The following VWC2L variants were observed in gnomAD, a reference collection of about 807,000 sequenced individuals.
VWC2L encodes von Willebrand factor C domain containing 2 like.
A neutral mutation model predicts 21.6 loss-of-function variants in VWC2L; 10 were observed. That is an observed-to-expected ratio of 0.46 (90% CI 0.29 to 0.78). The LOEUF (loss-of-function observed/expected upper bound fraction) is 0.78, where lower values mean the gene tolerates loss of function less well. Ranked by LOEUF, VWC2L falls within the 30% of genes least tolerant of loss-of-function variation. The pLI, the probability that VWC2L is intolerant of heterozygous loss-of-function variation, is 0.10. For synonymous variants in VWC2L, 96 were observed against 94.3 expected (o/e 1.02, Z -0.10); for missense variants, 209 against 277.1 (o/e 0.75, Z 1.74).
intron 3 of VWC2L, among the ~76,000 whole-genome samples, chr2:214,488,370 G>T (rs1688700020): frequency 6.6e-6 from 1 of 152,210 alleles, no homozygotes; most frequent in Non-Finnish European, 1.5e-5. Context: ...GGCCAAGGCA[G>T]GTAGATTGCT....
chr2:214,491,302 G>T (rs968532986), intron 3 of VWC2L, among the ~76,000 whole-genome samples: 31 of 152,264 alleles, frequency 2.0e-4, no homozygotes, highest in Middle Eastern at 3.4e-3. Flanking sequence ...ACAACAAGTT[G>T]GGAGAAAAAT....
Position 214,414,175 on chromosome 2 carries a change from G to C in VWC2L, c.-19G>C. 1 of 1,600,494 alleles carries C rather than the reference G, an allele frequency of 6.2e-7. No homozygotes were observed. The highest frequency in any genetic ancestry group is 8.5e-7 in the Non-Finnish European group (1 of 1,177,048). ...ATATTTAATATTAGGAGCACATCCA[G>C]AAGTCTTTGAAGAGGGGGATGGCTC... On this transcript the variant is annotated 5_prime_UTR_variant, in exon 2 of 4. Transcript: ENST00000312504.
At position 214,526,059 on chromosome 2, in the gene VWC2L, C is replaced by G. The variant is rs566630060; in HGVS notation, c.521-49613C>G. Among the ~76,000 whole-genome samples, 6 of 150,536 alleles carry G rather than the reference C, an allele frequency of 4.0e-5. 1 individual carries two copies. In the South Asian group the frequency reaches 1.3e-3, roughly 32 times the overall value. On this transcript the variant is annotated intron_variant, in intron 3 of 3. Coordinates refer to ENST00000312504, the MANE Select transcript of VWC2L (RefSeq NM_001080500.4). Reference sequence around the variant, plus strand: ...TATAATTTTTATTTTCCCAGTCATACCAAAAATAAATAACATATATTATTA... The same window carrying G: ...TATAATTTTTATTTTCCCAGTCATAGCAAAAATAAATAACATATATTATTA...
At chr2:214,540,758 G>T (rs7563747) in intron 3 of VWC2L, among the ~76,000 whole-genome samples, 1 of 151,942 alleles carries the variant, frequency 6.6e-6, no homozygotes, top group Admixed American at 6.6e-5. Flanking sequence ...AAAATGCCTA[G>T]CATCCGTAAA....
chr2:214,511,903 A>T (rs1689061349), intron 3 of VWC2L, among the ~76,000 whole-genome samples: 1 of 112,568 alleles, frequency 8.9e-6, no homozygotes, highest in Admixed American at 1.1e-4. Flanking sequence ...GATATACTTT[A>T]CTTTATATAT....
At chr2:214,491,018 T>C (rs1265786324) in intron 3 of VWC2L, among the ~76,000 whole-genome samples, 2 of 152,150 alleles carry the variant, frequency 1.3e-5, no homozygotes, top group Non-Finnish European at 2.9e-5. Context: ...AGGATTCCAG[T>C]TGCCAGGGGA....
intron 3 of VWC2L, among the ~76,000 whole-genome samples, chr2:214,561,169 C>T (rs1689963588): frequency 6.6e-6 from 1 of 152,192 alleles, no homozygotes; most frequent in Admixed American, 6.5e-5. Flanking sequence ...GTTGCTGATT[C>T]ATTAGGTGTT....
chr2:214,477,469 T>G (rs1688541430), intron 3 of VWC2L, among the ~76,000 whole-genome samples: 3 of 152,210 alleles, frequency 2.0e-5, no homozygotes, highest in Admixed American at 1.3e-4. Flanking sequence ...AGAGTGTCTT[T>G]TTTGTTCCTA....
At chr2:214,420,666 G>T (rs1702425288) in intron 2 of VWC2L, among the ~76,000 whole-genome samples, 2 of 152,234 alleles carry the variant, frequency 1.3e-5, no homozygotes, top group East Asian at 3.9e-4. Context: ...ACAAAAGAGG[G>T]TTTTCATTTC....
chr2:214,418,909 G>C (rs1464989486), intron 2 of VWC2L, among the ~76,000 whole-genome samples: 1 of 152,052 alleles, frequency 6.6e-6, no homozygotes, highest in Admixed American at 6.6e-5. Context: ...CCTCACCAAG[G>C]GTTGTCTTGG....
At chr2:214,478,311 T>C (rs1031885013) in intron 3 of VWC2L, among the ~76,000 whole-genome samples, 3 of 152,124 alleles carry the variant, frequency 2.0e-5, no homozygotes. Context: ...AAACCCCGTC[T>C]CTATTAAAAA....
intron 3 of VWC2L, among the ~76,000 whole-genome samples, chr2:214,547,648 A>G (rs1689730318): frequency 6.6e-6 from 1 of 152,204 alleles, no homozygotes; most frequent in Non-Finnish European, 1.5e-5. Context: ...CACTGAAATT[A>G]TATCTAGCTT....
chr2:214,439,827 C>G (rs1405953337), intron 3 of VWC2L, among the ~76,000 whole-genome samples: 1 of 151,514 alleles, frequency 6.6e-6, no homozygotes, highest in Admixed American at 6.6e-5. Flanking sequence ...GCAAACAAAA[C>G]AAAGAAAGAT....
At position 214,417,331 on chromosome 2, in the gene VWC2L, G is replaced by T. The variant is rs559999942; in HGVS notation, c.390+2748G>T. Among the ~76,000 whole-genome samples the T allele has an allele frequency of 2.7e-5, 4 of 150,478 alleles. No homozygotes were observed. The South Asian group carries it at 8.5e-4, about 32-fold the overall frequency. ...CTCTGCTCACAAGAAAGACATGATC[G>T]ATGTGAAGAGAGAAGGGGGAAAAAG... is the stretch of plus-strand genomic sequence containing the variant. On this transcript the variant is annotated intron_variant, in intron 2 of 3. Transcript: ENST00000312504.
intron 3 of VWC2L, among the ~76,000 whole-genome samples, chr2:214,488,078 T>C (rs560266512): frequency 6.6e-5 from 10 of 152,324 alleles, no homozygotes; most frequent in African/African-American, 2.2e-4. Context: ...GGTCTTGGAT[T>C]CTACTGCAGC....
chr2:214,418,401 AG>A (rs1276351038), intron 2 of VWC2L, among the ~76,000 whole-genome samples: 5 of 152,222 alleles, frequency 3.3e-5, no homozygotes, highest in Non-Finnish European at 7.3e-5. Flanking sequence ...AGGAAAAAGT[AG>A]GACTCCAAGC....
chr2:214,572,674 C>T (rs1690167223), intron 3 of VWC2L, among the ~76,000 whole-genome samples: 1 of 152,110 alleles, frequency 6.6e-6, no homozygotes, highest in South Asian at 2.1e-4. Flanking sequence ...TTAAATAGTG[C>T]CAACCATTCT....
intron 2 of VWC2L, among the ~76,000 whole-genome samples, chr2:214,427,762 T>A (rs1702546644): frequency 1.3e-5 from 2 of 152,164 alleles, no homozygotes; most frequent in African/African-American, 4.8e-5. Context: ...CTATGCACAT[T>A]CTCCCATACA....
intron 3 of VWC2L, among the ~76,000 whole-genome samples, chr2:214,549,970 C>A (rs1041949155): frequency 1.3e-5 from 2 of 151,984 alleles, no homozygotes; most frequent in African/African-American, 4.8e-5. Context: ...TGAGCTGGAT[C>A]AAAGATTTTA....
Sources: gnomAD v4.1 joint callset for allele counts (sites outside exome capture counted in the v4.1 genomes callset) on GRCh38, gnomAD v4.1.1 for gene constraint, MANE v1.5 for transcripts, NCBI Gene and HGNC (gene_info 2026-07-23, HGNC 2026-07-21) for gene names.